The following MROH2A variants were observed in gnomAD, a reference collection of about 807,000 sequenced individuals.
MROH2A encodes the protein maestro heat like repeat family member 2A, also known as maestro heat-like repeat-containing protein family member 2A.
A neutral mutation model predicts 200.4 loss-of-function variants in MROH2A; 174 were observed. The ratio of observed to expected loss-of-function variants is 0.87; its 90% CI spans 0.77 to 0.98. MROH2A has a LOEUF of 0.98. MROH2A is among the 50% of genes least tolerant of loss of function. MROH2A has a pLI of 0.00. For synonymous variants in MROH2A, 829 were observed against 840.4 expected (o/e 0.99, Z 0.23); for missense variants, 2,045 against 2,139.6 (o/e 0.96, Z 0.87).
intron 5 of MROH2A, 23 bp downstream of exon 5, chr2:233,790,037 C>T: frequency 2.0e-6 from 3 of 1,527,534 alleles, no homozygotes; most frequent in Non-Finnish European, 2.6e-6. Context: ...GGGCCCTCAG[C>T]CGGGCCCAGT....
In MROH2A at chr2:233,832,627, T is replaced by A. The variant is rs1248155117; in HGVS notation, c.4886T>A (p.Phe1629Tyr). 3 of 1,549,486 alleles carry A rather than the reference T, an allele frequency of 1.9e-6. No individual in the cohort carries two copies. In the East Asian group the frequency reaches 7.3e-5, roughly 38 times the overall value. Residue 1629 changes from phenylalanine to tyrosine, a missense_variant, in exon 41 of 42, where the codon TTC becomes TAC. By Grantham distance (22) the Phe-to-Tyr change is conservative. This residue lies in a region of MROH2A where 1,201 missense variants were observed against 1,311.3 expected (regional missense o/e 0.92). Coordinates refer to ENST00000389758, the MANE Select transcript of MROH2A (RefSeq NM_001394639.1). ...MSTHYLKKLD[F>Y]PALRNSLQEL... Reference sequence around the variant, plus strand: ...ACACATTATCTGAAAAAGCTGGACTTCCCAGCATTACGGAATTGTGAGTAG... The same window carrying A: ...ACACATTATCTGAAAAAGCTGGACTACCCAGCATTACGGAATTGTGAGTAG...
chr2:233,830,371 C>G (rs1333556185), intron 38 of MROH2A, among the ~76,000 whole-genome samples: 2 of 152,240 alleles, frequency 1.3e-5, no homozygotes, highest in African/African-American at 2.4e-5. Context: ...TCCCTAGTCT[C>G]TGCTTACAGA....
chr2:233,831,452 G>T lies in MROH2A; in HGVS notation c.4646G>T (p.Trp1549Leu), dbSNP rs1324589459. Residue 1549 changes from tryptophan (W) to leucine (L), a missense_variant, in exon 39 of 42, where the codon TGG becomes TTG. By Grantham distance (61) the Trp-to-Leu change is moderately conservative. This residue lies in a region of MROH2A where 1,201 missense variants were observed against 1,311.3 expected (regional missense o/e 0.92). Transcript: ENST00000389758. ...TTTCAGTGTGTGCACTTCTGGGGCT[G>T]GAAGTCCCTGGAGCATCCCTCAGGG... is the stretch of plus-strand genomic sequence containing the variant. Reference protein sequence around the residue: ...TMFQCVHFWGWKSLEHPSGPS... With the variant: ...TMFQCVHFWGLKSLEHPSGPS... 6.4e-7 allele frequency: 1 copy of T among 1,550,546 alleles called. No homozygotes were observed. The highest frequency in any genetic ancestry group is 1.2e-5 in the South Asian group (1 of 84,058).
Position 233,822,250 on chromosome 2 carries a change from C to T in MROH2A, c.3639C>T (p.Asp1213=). Residue 1213 remains aspartate (D), a synonymous_variant, in exon 32 of 42, where the codon GAC becomes GAT. Coordinates refer to ENST00000389758, the MANE Select transcript of MROH2A (RefSeq NM_001394639.1). ...GAATCAGTGCCACCTCCAAGGCTGA[C>T]ATCTGGCGCCTGGCTGCGGTGGACC... ...SPRISATSKA[D]IWRLAAVDPL... The T allele has an allele frequency of 6.5e-7, 1 of 1,547,798 alleles. No homozygotes were observed. The highest frequency in any genetic ancestry group is 8.7e-7 in the Non-Finnish European group (1 of 1,146,988).
At chr2:233,785,721 G>T (rs960341247) in intron 3 of MROH2A, among the ~76,000 whole-genome samples, 1 of 152,128 alleles carries the variant, frequency 6.6e-6, no homozygotes, top group Non-Finnish European at 1.5e-5. Context: ...GTCCCTGGCT[G>T]TTTGATACCT....
upstream of MROH2A, among the ~76,000 whole-genome samples, chr2:233,777,028 C>T (rs1385759862): frequency 2.0e-5 from 3 of 152,232 alleles, no homozygotes; most frequent in Non-Finnish European, 4.4e-5. Context: ...AGCCCTCTAG[C>T]TGTCTGAGAT....
chr2:233,822,795 G>C lies in MROH2A; in HGVS notation c.3867-86G>C, dbSNP rs1371390825. 9 of 1,502,856 alleles carry C rather than the reference G, an allele frequency of 6.0e-6. No homozygotes were observed. In the Admixed American group the frequency reaches 1.9e-4, roughly 31 times the overall value. The allele number at this position is 1,502,856 out of a possible 1,614,324, so 93.1% of individuals were successfully genotyped here. ...CTTGGGCTGGGCCCGGCAGGCACTGGGGCCCCACTTCACAGATTGCAGCAG... is the reference window on the plus strand; with the variant it reads ...CTTGGGCTGGGCCCGGCAGGCACTGCGGCCCCACTTCACAGATTGCAGCAG... On this transcript the variant is annotated intron_variant, in intron 33 of 41. Transcript: ENST00000389758.
intron 41 of MROH2A, among the ~76,000 whole-genome samples, 165 bp downstream of exon 41, chr2:233,832,809 AG>A (rs1704871651): frequency 1.3e-5 from 2 of 152,168 alleles, no homozygotes; most frequent in African/African-American, 4.8e-5. Flanking sequence ...AGGCCTTTCC[AG>A]GACGACAGCT....
chr2:233,779,743 CA>C lies in MROH2A; in HGVS notation c.168del (p.Gly57AlafsTer11). 1.3e-6 allele frequency: 2 copies of C among 1,551,058 alleles called. No individual in the cohort carries two copies. Among genetic ancestry groups the C allele is most frequent in the Non-Finnish European group, 8.7e-7 (1 of 1,147,102 alleles). ...SESAKTDTTG[A>X]GLDMRKTLAS... ...TCAGCAAAGACGGACACAACAGGGG[CA>C]GGCCTTGACATGCGGAAGACCCTGG... On this transcript the variant is annotated frameshift_variant, in exon 3 of 42. Transcript: ENST00000389758. LOFTEE classifies it high-confidence loss of function.
chr2:233,804,341 C>CT (rs1455932139), intron 17 of MROH2A, 149 bp downstream of exon 17: 1 of 1,374,198 alleles, frequency 7.3e-7, no homozygotes, highest in African/African-American at 1.4e-5. Flanking sequence ...GGTTGAGCAG[C>CT]TTGGGAAGGT....
At chr2:233,789,474 C>A in intron 3 of MROH2A, 23 bp from the exon 4 acceptor site, 1 of 1,388,476 alleles carries the variant, frequency 7.2e-7, no homozygotes, top group Non-Finnish European at 9.4e-7. Flanking sequence ...AGGTCCATTC[C>A]ACCCACCATA....
Position 233,809,119 on chromosome 2 carries a change from C to T in MROH2A, c.2296-7C>T. 1 of 1,545,006 alleles carries T rather than the reference C, an allele frequency of 6.5e-7. No individual in the cohort carries two copies. ...CCCAGTGGTTCTTTTTCTCTTTGGC[C>T]TCGTAGAAGGACCATCCCTGGAGGC... On this transcript the variant is annotated splice_polypyrimidine_tract_variant and splice_region_variant and intron_variant, in intron 21 of 41. Coordinates refer to ENST00000389758, the MANE Select transcript of MROH2A (RefSeq NM_001394639.1).
At chr2:233,804,400 A>G (rs1702663036) in intron 17 of MROH2A, 95 bp from the exon 18 acceptor site, 1 of 1,421,650 alleles carries the variant, frequency 7.0e-7, no homozygotes, top group Non-Finnish European at 9.7e-7. Context: ...AGGGCCTCAA[A>G]TGCCACGCTA....
At chr2:233,797,766 G>A (rs1702212758) in intron 11 of MROH2A, among the ~76,000 whole-genome samples, 1 of 151,848 alleles carries the variant, frequency 6.6e-6, no homozygotes. Context: ...CCCTGTGTGT[G>A]ATGTTCCCCT....
Position 233,788,938 on chromosome 2 carries a change from C to CAA in MROH2A, c.277-529_277-528dup, listed in dbSNP as rs56084976. 9.1e-3 allele frequency among the ~76,000 whole-genome samples: 431 copies of CAA among 47,326 alleles called. 6 individuals are homozygous for CAA. Among genetic ancestry groups the CAA allele is most frequent in the Middle Eastern group, 0.02 (1 of 50 alleles). 31.0% of individuals were successfully genotyped at this position (47,326 alleles called of 152,430 possible). A position where few individuals can be genotyped will look rare whatever the true frequency, so the allele number is the denominator to read the frequency against. On this transcript the variant is annotated intron_variant, in intron 3 of 41. Transcript: ENST00000389758. ...CGGGCGGCAGAGCGAGACTCCGTCTCAAAAAAAAAAAAAAAAAAAAAAAAA... is the reference window on the plus strand; with the variant it reads ...CGGGCGGCAGAGCGAGACTCCGTCTCAAAAAAAAAAAAAAAAAAAAAAAAAAA...
At chr2:233,814,744 C>G (rs1020661243) in intron 26 of MROH2A, 67 bp downstream of exon 26, 2 of 1,110,482 alleles carry the variant, frequency 1.8e-6, no homozygotes, top group South Asian at 2.8e-5. Flanking sequence ...GACTGAGGGC[C>G]AGACTCTGGG....
Position 233,799,849 on chromosome 2 carries a change from T to C in MROH2A, c.1399T>C (p.Trp467Arg), listed in dbSNP as rs1186469280. Reference sequence around the variant, plus strand: ...TGGCTACCAGGAGAGAATCAAAGGCTGGGGCCTGAAGTACCTGTCTGTGCA... The same window carrying C: ...TGGCTACCAGGAGAGAATCAAAGGCCGGGGCCTGAAGTACCTGTCTGTGCA... ...LCGYQERIKG[W>R]GLKYLSVQLT... The change falls in exon 13 of 42, where the codon TGG becomes CGG. Residue 467 changes from tryptophan to arginine, a missense_variant. By Grantham distance (101) the Trp-to-Arg change is moderately radical (BLOSUM62 -3). Around this residue, in one of 3 missense-constraint regions of MROH2A, gnomAD observed 831 missense variants for 800.0 expected, o/e 1.04. Coordinates refer to ENST00000389758, the MANE Select transcript of MROH2A (RefSeq NM_001394639.1). 6.4e-7 allele frequency: 1 copy of C among 1,550,532 alleles called. No individual in the cohort carries two copies. Among genetic ancestry groups the C allele is most frequent in the East Asian group, 2.4e-5 (1 of 40,918 alleles).
Position 233,792,876 on chromosome 2 carries a change from C to G in MROH2A, c.652C>G (p.Arg218Gly). 1 of 1,550,526 alleles carries G rather than the reference C, an allele frequency of 6.4e-7. No individual in the cohort carries two copies. The highest frequency in any genetic ancestry group is 8.7e-7 in the Non-Finnish European group (1 of 1,146,994). Residue 218 changes from arginine to glycine, a missense_variant, in exon 6 of 42, where the codon CGC (arginine) becomes GGC (glycine). Arg to Gly is a moderately radical substitution (Grantham distance 125, BLOSUM62 -2). Coordinates refer to ENST00000389758, the MANE Select transcript of MROH2A (RefSeq NM_001394639.1). ...GAGACTTGCCAATGAAGCCAAGATACGCCAGGCGATCTGCAGTGGTGAGTG... is the reference window on the plus strand; with the variant it reads ...GAGACTTGCCAATGAAGCCAAGATAGGCCAGGCGATCTGCAGTGGTGAGTG... ...MLRLANEAKI[R>G]QAICSAMETF... is the part of the protein sequence containing the mutation.
At chr2:233,783,331 A>C (rs1010789339) in intron 3 of MROH2A, among the ~76,000 whole-genome samples, 1 of 152,178 alleles carries the variant, frequency 6.6e-6, no homozygotes, top group African/African-American at 2.4e-5. Flanking sequence ...AGAATTCAGC[A>C]GTGAATCCAT....
Sources: gnomAD v4.1 joint callset for allele counts (sites outside exome capture counted in the v4.1 genomes callset) on GRCh38, gnomAD v4.1.1 for gene constraint, gnomAD v4.1.1 regional missense constraint, MANE v1.5 for transcripts, NCBI Gene and HGNC (gene_info 2026-07-23, HGNC 2026-07-21) for gene names.